Variants in STX8 observed in about 807,000 individuals in gnomAD.
STX8 encodes the protein syntaxin 8.
A neutral mutation model predicts 37.5 loss-of-function variants in STX8; 23 were observed. The ratio of observed to expected loss-of-function variants is 0.61; its 90% confidence interval spans 0.44 to 0.87. The LOEUF is 0.87. Ranked by LOEUF, STX8 falls within the 40% of genes least tolerant of loss-of-function variation. The probability of loss-of-function intolerance (pLI) is 0.00; values close to 1 mark genes in which losing one functional copy is unlikely to be tolerated. For synonymous variants in STX8, 115 were observed against 99.1 expected (o/e 1.16, Z -0.95); for missense variants, 313 against 284.7 (o/e 1.10, Z -0.71).
Position 9,301,764 on chromosome 17 carries a change from C to CAG in STX8, c.644-51121_644-51120dup, listed in dbSNP as rs533480252. On this transcript the variant is annotated intron_variant, in intron 7 of 7. Coordinates refer to ENST00000306357, the MANE Select transcript of STX8 (RefSeq NM_004853.3). The stretch of plus-strand genomic sequence containing the variant: ...TCGGCCTCCCAAAGTGTTGGGATTA[C>CAG]AGGCATGAGCCACGGCGCCCGGCCA... Among the ~76,000 whole-genome samples, 841 of 152,132 alleles carry CAG rather than the reference C, an allele frequency of 5.5e-3. 11 individuals carry two copies. Among genetic ancestry groups the CAG allele is most frequent in the African/African-American group, 0.019 (792 of 41,520 alleles).
intron 6 of STX8, among the ~76,000 whole-genome samples, chr17:9,433,897 A>C (rs1010498104): frequency 6.6e-6 from 1 of 152,184 alleles, no homozygotes; most frequent in Non-Finnish European, 1.5e-5. Flanking sequence ...ATCATAAGCA[A>C]GGAGAACAGC....
intron 6 of STX8, among the ~76,000 whole-genome samples, chr17:9,438,196 T>C (rs145993138): frequency 0.012 from 1,715 of 148,194 alleles, 33 homozygotes; most frequent in African/African-American, 0.04. Flanking sequence ...TGAGCCGAGA[T>C]TGTGCCACTG....
intron 6 of STX8, among the ~76,000 whole-genome samples, chr17:9,441,450 A>G (rs915443126): frequency 1.2e-5 from 1 of 81,328 alleles, no homozygotes; most frequent in Non-Finnish European, 2.3e-5. Flanking sequence ...ATGTTGCACC[A>G]CTGCACTCCA....
intron 5 of STX8, among the ~76,000 whole-genome samples, chr17:9,498,555 T>C (rs975349896): frequency 1.9e-4 from 29 of 152,184 alleles, no homozygotes; most frequent in African/African-American, 7.0e-4. Context: ...AGAAAGGGTA[T>C]CTTCAAAGAA....
intron 3 of STX8, among the ~76,000 whole-genome samples, chr17:9,546,633 C>G (rs1354092885): frequency 2.5e-5 from 2 of 79,100 alleles, no homozygotes; most frequent in Non-Finnish European, 4.5e-5. Context: ...GAGCCTTGTT[C>G]TGTCTACAGG....
chr17:9,252,609 C>CA (rs60037652), intron 7 of STX8, among the ~76,000 whole-genome samples: 12,279 of 93,636 alleles, frequency 0.13, 687 homozygotes, highest in Middle Eastern at 0.21. Flanking sequence ...AACTCTGTCT[C>CA]AAAAAAAAAA....
chr17:9,534,157 C>A (rs186654626), intron 4 of STX8, among the ~76,000 whole-genome samples: 1 of 149,520 alleles, frequency 6.7e-6, no homozygotes, highest in Admixed American at 6.8e-5. Context: ...ATATTAATAA[C>A]GGACATTAAT....
intron 6 of STX8, among the ~76,000 whole-genome samples, chr17:9,392,830 A>G (rs998293634): frequency 6.6e-6 from 1 of 152,232 alleles, no homozygotes; most frequent in African/African-American, 2.4e-5. Flanking sequence ...TTCCAATAAA[A>G]ATGAATAGAG....
At chr17:9,391,125 A>G (rs1662918639) in intron 6 of STX8, among the ~76,000 whole-genome samples, 6 of 152,170 alleles carry the variant, frequency 3.9e-5, no homozygotes, top group Admixed American at 3.9e-4. Context: ...GCCAAAGTAT[A>G]TAGAAGCATT....
chr17:9,470,408 A>G (rs1416945016), intron 6 of STX8, among the ~76,000 whole-genome samples: 3 of 152,240 alleles, frequency 2.0e-5, no homozygotes, highest in East Asian at 3.8e-4. Flanking sequence ...AAAGTTCTTC[A>G]GTCCTTTTCA....
At chr17:9,279,207 GC>G (rs1244017244) in intron 7 of STX8, among the ~76,000 whole-genome samples, 2 of 151,782 alleles carry the variant, frequency 1.3e-5, no homozygotes, top group South Asian at 2.1e-4. Context: ...ACAGGCACCC[GC>G]CACCACGCCT....
chr17:9,397,939 G>C (rs1181605668), intron 6 of STX8, among the ~76,000 whole-genome samples: 3 of 140,346 alleles, frequency 2.1e-5, no homozygotes, highest in African/African-American at 8.0e-5. Context: ...CGTGAGCCGA[G>C]ATCACGCCAT....
At chr17:9,341,943 C>G (rs1910374442) in intron 7 of STX8, among the ~76,000 whole-genome samples, 2 of 152,214 alleles carry the variant, frequency 1.3e-5, no homozygotes, top group Admixed American at 6.5e-5. Flanking sequence ...CCGTGGAGAG[C>G]CTCAGATCCA....
At chr17:9,396,379 T>C (rs1400405935) in intron 6 of STX8, among the ~76,000 whole-genome samples, 1 of 147,998 alleles carries the variant, frequency 6.8e-6, no homozygotes, top group South Asian at 2.2e-4. Context: ...GGGGGCGGGG[T>C]GGCAGTAAAA....
chr17:9,418,938 T>TA lies in STX8; in HGVS notation c.542-40286dup, dbSNP rs1265552336. Among the ~76,000 whole-genome samples, 4 of 126,312 alleles carry TA rather than the reference T, an allele frequency of 3.2e-5. No individual in the cohort carries two copies. In the East Asian group the frequency reaches 1.2e-3, roughly 38 times the overall value. 82.9% of individuals were successfully genotyped at this position (126,312 alleles called of 152,430 possible). A position where few individuals can be genotyped will look rare whatever the true frequency, so the allele number is the denominator to read the frequency against. On this transcript the variant is annotated intron_variant, in intron 6 of 7. Transcript: ENST00000306357. ...TTTTTTTTTCTTTTTTTTTTTTTTT[T>TA]AAAGAGATGGGCTCTCTCCCTGTCA...
At chr17:9,296,500 CAA>C (rs55811417) in intron 7 of STX8, among the ~76,000 whole-genome samples, 6 of 123,202 alleles carry the variant, frequency 4.9e-5, no homozygotes, top group Non-Finnish European at 5.2e-5. Flanking sequence ...CTCCATCTCT[CAA>C]AAAAAAAAAA....
At chr17:9,380,754 C>T (rs1911781188) in intron 6 of STX8, among the ~76,000 whole-genome samples, 1 of 141,040 alleles carries the variant, frequency 7.1e-6, no homozygotes, top group Non-Finnish European at 1.5e-5. Context: ...ACTCTTGTCG[C>T]CCAGGCTGGA....
chr17:9,516,171 T>C (rs1025214602), intron 4 of STX8, among the ~76,000 whole-genome samples: 2 of 151,566 alleles, frequency 1.3e-5, no homozygotes, highest in African/African-American at 4.8e-5. Context: ...CTGAACTTAA[T>C]GTTGGAACCA....
chr17:9,342,001 T>G (rs1014684775), intron 7 of STX8, among the ~76,000 whole-genome samples: 1 of 152,078 alleles, frequency 6.6e-6, no homozygotes, highest in African/African-American at 2.4e-5. Context: ...ATCCCCAACC[T>G]TTTTGGCACC....
Sources: gnomAD v4.1 joint callset for allele counts (sites outside exome capture counted in the v4.1 genomes callset) on GRCh38, gnomAD v4.1.1 for gene constraint, MANE v1.5 for transcripts, NCBI Gene and HGNC (gene_info 2026-07-23, HGNC 2026-07-21) for gene names.